The following LINGO2 variants were observed in gnomAD, a reference collection of about 807,000 sequenced individuals.
LINGO2 encodes leucine rich repeat and Ig domain containing 2.
Under a neutral mutation model 30.6 loss-of-function variants are expected in LINGO2, and 14 were observed. The ratio of observed to expected loss-of-function variants is 0.46; its 90% CI spans 0.30 to 0.72. LINGO2 has a LOEUF of 0.72. Among genes scored for constraint, LINGO2 ranks in the 30% least tolerant of loss-of-function variants. LINGO2 has a pLI of 0.07. For missense variants in LINGO2, 729 were observed against 751.7 expected (o/e 0.97, Z 0.35); for synonymous variants, 317 against 288.5 (o/e 1.10, Z -1.00).
At chr9:28,482,425 C>T (rs534512163) in intron 1 of LINGO2, among the ~76,000 whole-genome samples, 22 of 152,122 alleles carry the variant, frequency 1.4e-4, no homozygotes, top group Admixed American at 6.6e-4. Context: ...ATGTCTTCTT[C>T]TGAGAAGTGT....
the LINGO2 span, among the ~76,000 whole-genome samples, chr9:28,800,668 CA>C: frequency 6.6e-6 from 1 of 152,026 alleles, no homozygotes; most frequent in South Asian, 2.1e-4. Flanking sequence ...CCCCACTAAG[CA>C]GACACTGTCA....
intron 1 of LINGO2, among the ~76,000 whole-genome samples, chr9:28,492,954 A>G (rs1826458027): frequency 6.6e-6 from 1 of 152,152 alleles, no homozygotes; most frequent in Non-Finnish European, 1.5e-5. Context: ...CAGAAGTGTT[A>G]ACCTATTTTA....
At chr9:29,208,692 A>G in the LINGO2 span, among the ~76,000 whole-genome samples, 1 of 152,082 alleles carries the variant, frequency 6.6e-6, no homozygotes, top group Non-Finnish European at 1.5e-5. Flanking sequence ...GCTGTTATCA[A>G]TTTTTAAACA....
At chr9:29,042,199 T>G in the LINGO2 span, among the ~76,000 whole-genome samples, 54,134 of 151,718 alleles carry the variant, frequency 0.36, 9,760 homozygotes, top group East Asian at 0.48. Context: ...ACTGCTGATG[T>G]GAATTTAAAA....
the LINGO2 span, among the ~76,000 whole-genome samples, chr9:28,767,953 A>T: frequency 6.6e-6 from 1 of 152,290 alleles, no homozygotes; most frequent in Non-Finnish European, 1.5e-5. Context: ...ATTAGGAGGC[A>T]TAAAATATTT....
At chr9:28,339,344 T>C (rs778667114) in intron 3 of LINGO2, among the ~76,000 whole-genome samples, 10 of 152,292 alleles carry the variant, frequency 6.6e-5, no homozygotes, top group East Asian at 3.9e-4. Context: ...AAACTATTTA[T>C]AGTAGGTTGT....
intron 1 of LINGO2, among the ~76,000 whole-genome samples, chr9:28,567,086 A>G (rs149767917): frequency 1.2e-3 from 182 of 152,286 alleles, no homozygotes; most frequent in African/African-American, 4.3e-3. Flanking sequence ...AAGGCTGTCT[A>G]TATACCAGTG....
chr9:28,865,553 C>T, the LINGO2 span, among the ~76,000 whole-genome samples: 1,364 of 152,082 alleles, frequency 9.0e-3, 23 homozygotes, highest in East Asian at 0.052. Context: ...GAGGCCGAGG[C>T]GGGAGGATCA....
the LINGO2 span, among the ~76,000 whole-genome samples, chr9:29,066,390 G>C: frequency 3.3e-5 from 5 of 151,920 alleles, no homozygotes; most frequent in African/African-American, 1.2e-4. Context: ...TAATAATCTT[G>C]TGTACTGAAG....
intron 2 of LINGO2, among the ~76,000 whole-genome samples, chr9:28,437,969 A>G (rs909035237): frequency 1.3e-5 from 2 of 152,162 alleles, no homozygotes; most frequent in African/African-American, 4.8e-5. Context: ...ACTTTTTTTC[A>G]TACAATAATT....
intron 4 of LINGO2, among the ~76,000 whole-genome samples, chr9:28,206,068 G>C (rs2133838574): frequency 6.6e-6 from 1 of 150,926 alleles, no homozygotes; most frequent in East Asian, 2.0e-4. Flanking sequence ...AGGAGGCTGA[G>C]GTGGGAGAAT....
chr9:28,940,759 C>A, the LINGO2 span, among the ~76,000 whole-genome samples: 237 of 152,264 alleles, frequency 1.6e-3, no homozygotes, highest in African/African-American at 5.5e-3. Context: ...ACTTTCATTA[C>A]TGCAAATTGC....
In LINGO2 at chr9:28,129,542, GAATGGA is replaced by G. The variant is rs1827326689; in HGVS notation, c.-86-117143_-86-117138del. 6.6e-6 allele frequency: 1 copy of G among 152,220 alleles called. No homozygotes were observed. The highest frequency in any genetic ancestry group is 2.1e-4 in the South Asian group (1 of 4,836). The allele number at this position is 152,220 out of a possible 1,614,324, so 9.4% of individuals were successfully genotyped here. On this transcript the variant is annotated intron_variant, in intron 4 of 5. Coordinates refer to ENST00000379992, the Ensembl canonical transcript of LINGO2. The surrounding 1 kb of genome is among the most constrained non-coding windows in gnomAD (Gnocchi z 4.0). ...TCCTCAGACTGGGTCCTGCCCATGT[GAATGGA>G]TCTAGGATTACTTCCCTGACTCTTC...
At chr9:28,912,275 C>T in the LINGO2 span, among the ~76,000 whole-genome samples, 1 of 152,116 alleles carries the variant, frequency 6.6e-6, no homozygotes, top group Non-Finnish European at 1.5e-5. Context: ...GGTCAAGCAG[C>T]AGTCAGTTCT....
chr9:28,398,275 T>C (rs1233292004), intron 2 of LINGO2, among the ~76,000 whole-genome samples: 1 of 152,206 alleles, frequency 6.6e-6, no homozygotes, highest in Non-Finnish European at 1.5e-5. Context: ...AGGCGTTGAA[T>C]GAAAAGTTTG....
chr9:28,859,856 T>C, the LINGO2 span, among the ~76,000 whole-genome samples: 1 of 151,906 alleles, frequency 6.6e-6, no homozygotes. Flanking sequence ...GAGAATTCCA[T>C]AAAAGTGAAA....
In LINGO2 at chr9:28,559,762, T is replaced by C. The variant is rs375798309; in HGVS notation, c.-364-83737A>G. Among the ~76,000 whole-genome samples, 3 of 152,144 alleles carry C rather than the reference T, an allele frequency of 2.0e-5. No homozygotes were observed. In the East Asian group the frequency reaches 5.8e-4, roughly 29 times the overall value. On this transcript the variant is annotated intron_variant, in intron 1 of 5. Coordinates refer to ENST00000379992, the Ensembl canonical transcript of LINGO2. ...TTTGTTCTGTACAAGATTGTCCTTTTATGTTTGCCAGTATTTAAGTTGTTT... is the reference window on the plus strand; with the variant it reads ...TTTGTTCTGTACAAGATTGTCCTTTCATGTTTGCCAGTATTTAAGTTGTTT...
the LINGO2 span, among the ~76,000 whole-genome samples, chr9:29,028,534 C>A: frequency 6.6e-6 from 1 of 151,920 alleles, no homozygotes; most frequent in Admixed American, 6.6e-5. Context: ...GATTTTCCTG[C>A]TACTCCCATC....
rs540883775 is a variant in LINGO2 at position 28,243,654 on chromosome 9, A to C, written c.-87+51554T>G. 3.0e-4 allele frequency among the ~76,000 whole-genome samples: 46 copies of C among 152,020 alleles called. 1 individual carries two copies. The East Asian group carries it at 8.5e-3, about 28-fold the overall frequency. On this transcript the variant is annotated intron_variant, in intron 4 of 5. Coordinates refer to ENST00000379992, the Ensembl canonical transcript of LINGO2. ...AAACAAACAAACAAAAAAACAAAAAAAACGGGTTGGATTCCTAGTTCCTGA... is the reference window on the plus strand; with the variant it reads ...AAACAAACAAACAAAAAAACAAAAACAACGGGTTGGATTCCTAGTTCCTGA...
Sources: gnomAD v4.1 joint callset for allele counts (sites outside exome capture counted in the v4.1 genomes callset) on GRCh38, gnomAD v4.1.1 for gene constraint, Gnocchi (gnomAD v3.1) non-coding constraint, MANE v1.5 for transcripts, NCBI Gene and HGNC (gene_info 2026-07-23, HGNC 2026-07-21) for gene names.